DSCAM: variants seen among roughly 807,000 people sequenced by gnomAD.
DSCAM encodes the protein DS cell adhesion molecule, also known as cell adhesion molecule DSCAM.
In DSCAM, 47 loss-of-function variants were observed where a neutral mutation model predicts 217.7. That is an observed-to-expected ratio of 0.22 (90% CI 0.17 to 0.28). DSCAM has a LOEUF of 0.28. Ranked by LOEUF, DSCAM falls within the 10% of genes least tolerant of loss-of-function variation. The pLI is 1.00. For missense variants in DSCAM, 2,080 were observed against 2,618.3 expected, an observed-to-expected ratio of 0.79 and a Z score of 4.49; for synonymous variants, 1,056 against 1,015.3, an observed-to-expected ratio of 1.04 and a Z score of -0.76.
intron 3 of DSCAM, among the ~76,000 whole-genome samples, chr21:40,371,983 TC>T: frequency 6.6e-6 from 1 of 152,314 alleles, no homozygotes. Context: ...TTGAAATTGA[TC>T]AACATTTTAA....
At chr21:40,353,972 C>G (rs1227833228) in intron 4 of DSCAM, among the ~76,000 whole-genome samples, 1 of 152,154 alleles carries the variant, frequency 6.6e-6, no homozygotes, top group Non-Finnish European at 1.5e-5. Flanking sequence ...GTTGGTCATT[C>G]CTCAGTAAAT....
intron 1 of DSCAM, among the ~76,000 whole-genome samples, chr21:40,820,976 T>C (rs1457495120): frequency 6.6e-6 from 1 of 151,436 alleles, no homozygotes; most frequent in Non-Finnish European, 1.5e-5. Context: ...AAACCAGATA[T>C]CCAGACATAT....
chr21:40,061,606 C>T (rs1008457421), intron 28 of DSCAM, among the ~76,000 whole-genome samples: 1 of 151,756 alleles, frequency 6.6e-6, no homozygotes, highest in African/African-American at 2.4e-5. Context: ...AAGACTTATC[C>T]TTCATATCAT....
intron 3 of DSCAM, among the ~76,000 whole-genome samples, chr21:40,450,722 T>C (rs1352892339): frequency 6.6e-6 from 1 of 152,248 alleles, no homozygotes; most frequent in Non-Finnish European, 1.5e-5. Flanking sequence ...TTATTGAATA[T>C]ACTGAGACTT....
intron 10 of DSCAM, among the ~76,000 whole-genome samples, chr21:40,279,677 T>C (rs1041707438): frequency 9.2e-5 from 14 of 152,232 alleles, no homozygotes; most frequent in Admixed American, 6.5e-4. Flanking sequence ...CATGCACACA[T>C]ATGTTTACTG....
intron 8 of DSCAM, 50 bp downstream of exon 8, chr21:40,338,051 T>C: frequency 3.1e-6 from 5 of 1,592,230 alleles, no homozygotes; most frequent in Non-Finnish European, 4.3e-6. Context: ...GTCTGGGAAG[T>C]AGTCGGGCTA....
intron 3 of DSCAM, among the ~76,000 whole-genome samples, chr21:40,400,145 TC>T (rs920617325): frequency 3.1e-4 from 47 of 152,304 alleles, no homozygotes; most frequent in African/African-American, 1.1e-3. Flanking sequence ...TTTACACTTT[TC>T]CAAATTATTG....
At chr21:40,687,080 TGAG>T (rs1291468850) in intron 3 of DSCAM, among the ~76,000 whole-genome samples, 1 of 152,152 alleles carries the variant, frequency 6.6e-6, no homozygotes, top group East Asian at 1.9e-4. Context: ...GTGTTTAAAA[TGAG>T]GTTCTTATTT....
At chr21:40,113,852 C>G (rs529989766) in intron 20 of DSCAM, among the ~76,000 whole-genome samples, 2 of 152,080 alleles carry the variant, frequency 1.3e-5, no homozygotes, top group Non-Finnish European at 2.9e-5. Context: ...ATCCAACTTA[C>G]AAGGGATGTG....
At chr21:40,749,444 T>A (rs1044482127) in intron 1 of DSCAM, among the ~76,000 whole-genome samples, 4 of 152,078 alleles carry the variant, frequency 2.6e-5, no homozygotes, top group African/African-American at 9.7e-5. Flanking sequence ...AAGGAAGACA[T>A]ACAAATGGCC....
chr21:40,079,109 T>C (rs1221463651), intron 25 of DSCAM, 132 bp from the exon 26 acceptor site: 3 of 949,672 alleles, frequency 3.2e-6, no homozygotes, highest in South Asian at 1.7e-5. Flanking sequence ...CACAGGCCAC[T>C]GGCAACTTGT....
intron 21 of DSCAM, among the ~76,000 whole-genome samples, chr21:40,089,431 C>T (rs923723912): frequency 4.6e-5 from 7 of 152,152 alleles, no homozygotes; most frequent in African/African-American, 7.2e-5. Context: ...ATTCGGGTCC[C>T]GTTTGTTCTC....
intron 20 of DSCAM, among the ~76,000 whole-genome samples, chr21:40,121,681 C>CT (rs201672838): frequency 0.012 from 856 of 73,688 alleles, 102 homozygotes; most frequent in East Asian, 0.021. Context: ...TCATTACTGT[C>CT]TTTTTTTTTT....
At position 40,182,617 on chromosome 21, in the gene DSCAM, C is replaced by CGG. The variant is rs1568986392; in HGVS notation, c.2780-3525_2780-3524dup. ...GCCAGCAGAGAAACCGTGGACAGAA[C>CGG]GGGCCACCAGAGAAACCGTGGACAG... is the stretch of plus-strand genomic sequence containing the variant. On this transcript the variant is annotated intron_variant, in intron 14 of 32. Transcript: ENST00000400454. Among the ~76,000 whole-genome samples the CGG allele has an allele frequency of 1.6e-4, 13 of 82,478 alleles. 1 individual carries two copies. Among genetic ancestry groups the CGG allele is most frequent in the Admixed American group, 5.9e-4 (4 of 6,774 alleles). 54.1% of individuals were successfully genotyped at this position (82,478 alleles called of 152,430 possible). A position where few individuals can be genotyped will look rare whatever the true frequency, so the allele number is the denominator to read the frequency against.
At chr21:40,793,566 C>T (rs1035790549) in intron 1 of DSCAM, among the ~76,000 whole-genome samples, 1 of 151,924 alleles carries the variant, frequency 6.6e-6, no homozygotes, top group African/African-American at 2.4e-5. Context: ...TCTCGGCTCA[C>T]TGAAGCCTCT....
At chr21:40,777,996 A>G (rs143477164) in intron 1 of DSCAM, among the ~76,000 whole-genome samples, 1 of 152,296 alleles carries the variant, frequency 6.6e-6, no homozygotes, top group African/African-American at 2.4e-5. Flanking sequence ...TTTTACCTCC[A>G]AAGTACAAAG....
At chr21:40,524,021 A>C (rs1462472528) in intron 3 of DSCAM, among the ~76,000 whole-genome samples, 1 of 152,212 alleles carries the variant, frequency 6.6e-6, no homozygotes, top group Non-Finnish European at 1.5e-5. Context: ...ACTTGAGTGA[A>C]TGTGTGAGCT....
At chr21:40,778,419 T>G (rs13047434) in intron 1 of DSCAM, among the ~76,000 whole-genome samples, 19,176 of 152,174 alleles carry the variant, frequency 0.13, 1,494 homozygotes, top group East Asian at 0.2. Context: ...CCCAGAAGCA[T>G]GTAGGTTTTG....
intron 3 of DSCAM, among the ~76,000 whole-genome samples, chr21:40,682,804 G>A (rs1255354099): frequency 0.015 from 293 of 19,358 alleles, 83 homozygotes; most frequent in South Asian, 0.033. Flanking sequence ...GGAAGGGAAG[G>A]GAAGGGAAGG....
Sources: allele counts gnomAD v4.1 joint callset (sites outside exome capture counted in the v4.1 genomes callset), GRCh38; gene constraint gnomAD v4.1.1; transcripts MANE v1.5; gene names NCBI Gene and HGNC (gene_info 2026-07-23, HGNC 2026-07-21).